SIPA1L2: variants seen among roughly 807,000 people sequenced by gnomAD.
SIPA1L2 encodes signal-induced proliferation-associated 1-like protein 2.
Under a neutral mutation model 163.9 loss-of-function variants are expected in SIPA1L2, and 56 were observed. The observed-to-expected ratio is 0.34, with a 90% CI of 0.28 to 0.43. SIPA1L2 has a LOEUF of 0.43. Ranked by LOEUF, SIPA1L2 falls within the 20% of genes least tolerant of loss-of-function variation. SIPA1L2 has a pLI of 1.00. For synonymous variants in SIPA1L2, 877 were observed against 865.7 expected (o/e 1.01, Z -0.23); for missense variants, 1,974 against 2,193.5 (o/e 0.90, Z 2.00).
chr1:232,515,084 TAGG>T lies in SIPA1L2; in HGVS notation c.253_255del (p.Pro85del). ...GTTAGCTCCTTGGAACAGTCCTTTT[TAGG>T]AGGCCATTCAGACACCCTTGCTCTC... On this transcript the variant is annotated inframe_deletion, in exon 3 of 23. Transcript: ENST00000674635. The T allele has an allele frequency of 5.0e-6, 8 of 1,614,068 alleles. No homozygotes were observed. The highest frequency in any genetic ancestry group is 6.8e-6 in the Non-Finnish European group (8 of 1,179,954).
At chr1:232,605,898 TCAGA>T (rs1331165564) in intron 1 of SIPA1L2, among the ~76,000 whole-genome samples, 2 of 152,144 alleles carry the variant, frequency 1.3e-5, no homozygotes, top group Non-Finnish European at 2.9e-5. Flanking sequence ...TGTGCCACAG[TCAGA>T]CACAGTTGCT....
rs142678488 is a variant in SIPA1L2 at position 232,612,948 on chromosome 1, C to G, written c.-319+16921G>C. 1.3e-4 allele frequency among the ~76,000 whole-genome samples: 20 copies of G among 152,004 alleles called. No individual in the cohort carries two copies. The East Asian group carries it at 3.1e-3, about 24-fold the overall frequency. Reference sequence around the variant, plus strand: ...CCTACACGTTGTGGGAGGGAGGGACCTGGTGGAAGATAGTTTGAATCATGG... The same window carrying G: ...CCTACACGTTGTGGGAGGGAGGGACGTGGTGGAAGATAGTTTGAATCATGG... On this transcript the variant is annotated intron_variant, in intron 1 of 22. Coordinates refer to ENST00000674635, the MANE Select transcript of SIPA1L2 (RefSeq NM_020808.5).
chr1:232,480,279 G>A (rs1665279783), intron 6 of SIPA1L2, among the ~76,000 whole-genome samples: 1 of 151,742 alleles, frequency 6.6e-6, no homozygotes, highest in Non-Finnish European at 1.5e-5. Flanking sequence ...ATGGAAATGA[G>A]AACAAAAAAT....
intron 7 of SIPA1L2, among the ~76,000 whole-genome samples, chr1:232,475,656 A>G (rs1010350197): frequency 1.3e-5 from 2 of 152,370 alleles, no homozygotes; most frequent in Admixed American, 1.3e-4. Flanking sequence ...GGGCAAGAAC[A>G]GGATATTACA....
chr1:232,467,336 G>A (rs748138215), intron 8 of SIPA1L2, among the ~76,000 whole-genome samples: 29 of 152,084 alleles, frequency 1.9e-4, no homozygotes, highest in Non-Finnish European at 3.5e-4. Flanking sequence ...CTTGACTTAC[G>A]GGCTTAAATG....
intron 14 of SIPA1L2, 125 bp downstream of exon 14, chr1:232,441,166 C>T: frequency 2.9e-6 from 2 of 678,902 alleles, no homozygotes; most frequent in South Asian, 2.8e-5. Flanking sequence ...TTTTTAACCT[C>T]ACCTCTAAGA....
At position 232,535,584 on chromosome 1, in the gene SIPA1L2, A is replaced by C. The variant is rs556498594; in HGVS notation, c.-269-19976T>G. ...CAAATGCTATCCCAGGTTCTAAAAG[A>C]ATAATCTGCCAAGTCATTATTAATA... On this transcript the variant is annotated intron_variant, in intron 2 of 22. Transcript: ENST00000674635. Among the ~76,000 whole-genome samples the C allele has an allele frequency of 1.5e-4, 23 of 152,360 alleles. No individual in the cohort carries two copies. In the East Asian group the frequency reaches 4.4e-3, roughly 29 times the overall value.
intron 22 of SIPA1L2, among the ~76,000 whole-genome samples, chr1:232,401,835 C>T (rs1337627189): frequency 6.6e-6 from 1 of 152,218 alleles, no homozygotes; most frequent in Non-Finnish European, 1.5e-5. Flanking sequence ...CGCTTGCTAC[C>T]GCACCCCATT....
At chr1:232,480,164 T>TGTGTGTGTGTGTGTGTGC (rs1558210734) in intron 6 of SIPA1L2, among the ~76,000 whole-genome samples, 1 of 126,116 alleles carries the variant, frequency 7.9e-6, no homozygotes, top group Non-Finnish European at 1.6e-5. Flanking sequence ...CGTGTGTGTG[T>TGTGTGTGTGTGTGTGTGC]GTGTGTGTGT....
intron 18 of SIPA1L2, among the ~76,000 whole-genome samples, chr1:232,423,175 T>C (rs542324414): frequency 1.6e-4 from 25 of 152,190 alleles, no homozygotes; most frequent in Non-Finnish European, 3.2e-4. Context: ...AATTAGAGGC[T>C]AATGCAAGTG....
chr1:232,511,109 C>T (rs7548669), intron 3 of SIPA1L2, among the ~76,000 whole-genome samples: 5,306 of 152,196 alleles, frequency 0.035, 210 homozygotes, highest in African/African-American at 0.094. Flanking sequence ...AGAGAGCATC[C>T]TTGAGCAGTG....
intron 2 of SIPA1L2, among the ~76,000 whole-genome samples, chr1:232,564,242 GTGTGTGTGTGTGTGTGT>G: frequency 5.1e-5 from 1 of 19,588 alleles, no homozygotes; most frequent in Non-Finnish European, 9.9e-5. Context: ...TTTCGTGTGT[GTGTGTGTGTGTGTGTGT>G]GTGTGTGTGT....
chr1:232,503,455 G>A (rs1274648737), intron 3 of SIPA1L2, among the ~76,000 whole-genome samples: 3 of 152,222 alleles, frequency 2.0e-5, no homozygotes, highest in Non-Finnish European at 4.4e-5. Flanking sequence ...GAATTGACCA[G>A]TTAAGGATCA....
At position 232,445,600 on chromosome 1, in the gene SIPA1L2, C is replaced by T. The variant is rs1352661562; in HGVS notation, c.3282G>A (p.Gln1094=). 6.2e-7 allele frequency: 1 copy of T among 1,613,810 alleles called. No homozygotes were observed. Among genetic ancestry groups the T allele is most frequent in the African/African-American group, 1.3e-5 (1 of 74,924 alleles). The part of the protein sequence containing the change: ...PGTPDRLPCQ[Q]LLQQAQAAIP... ...TGGCAGCCTGGGCCTGCTGGAGCAGCTGTTGGCACGGCAGCCGGTCGGGCG... is the reference window on the plus strand; with the variant it reads ...TGGCAGCCTGGGCCTGCTGGAGCAGTTGTTGGCACGGCAGCCGGTCGGGCG... Residue 1094 remains glutamine (Q), a synonymous_variant, in exon 11 of 23, where the codon CAG becomes CAA. Transcript: ENST00000674635.
At chr1:232,595,218 T>A (rs896667083) in intron 1 of SIPA1L2, among the ~76,000 whole-genome samples, 1 of 152,136 alleles carries the variant, frequency 6.6e-6, no homozygotes, top group African/African-American at 2.4e-5. Context: ...GTCTTCCCAG[T>A]CACCAACTCT....
rs201475932 is a variant in SIPA1L2 at position 232,415,672 on chromosome 1, G to A, written c.4631-47C>T. The A allele has an allele frequency of 2.9e-5, 46 of 1,610,698 alleles. No homozygotes were observed. In the East Asian group the frequency reaches 1.0e-3, roughly 36 times the overall value. ...GAGTCAGTCATCAGTCACAGCACGG[G>A]CACCAGCCCAGAGTGAGTCAGAACA... On this transcript the variant is annotated intron_variant, in intron 18 of 22. Transcript: ENST00000674635.
chr1:232,575,149 CA>C (rs1475801377), intron 1 of SIPA1L2, among the ~76,000 whole-genome samples: 1 of 152,164 alleles, frequency 6.6e-6, no homozygotes, highest in Non-Finnish European at 1.5e-5. Flanking sequence ...ACTCAAAACG[CA>C]ACAATGTGGA....
chr1:232,606,401 C>T (rs1297285867), intron 1 of SIPA1L2, among the ~76,000 whole-genome samples: 1 of 152,034 alleles, frequency 6.6e-6, no homozygotes, highest in Non-Finnish European at 1.5e-5. Flanking sequence ...GCTAAAAAGA[C>T]ATAGAAGTTA....
intron 2 of SIPA1L2, among the ~76,000 whole-genome samples, chr1:232,533,069 C>G (rs542207825): frequency 6.6e-6 from 1 of 152,104 alleles, no homozygotes; most frequent in Non-Finnish European, 1.5e-5. Flanking sequence ...CCCAAAGGCC[C>G]GTCTGTGGAC....
Sources: gnomAD v4.1 joint callset for allele counts (sites outside exome capture counted in the v4.1 genomes callset) on GRCh38, gnomAD v4.1.1 for gene constraint, MANE v1.5 for transcripts, NCBI Gene and HGNC (gene_info 2026-07-23, HGNC 2026-07-21) for gene names.